The following MEGF11 variants were observed in gnomAD, a reference collection of about 807,000 sequenced individuals.
The protein encoded by MEGF11 is multiple EGF like domains 11.
Under a neutral mutation model 146.6 loss-of-function variants are expected in MEGF11, and 126 were observed. That is an observed-to-expected ratio of 0.86 (90% CI 0.74 to 1.00). The LOEUF (loss-of-function observed/expected upper bound fraction) is 1.00, where lower values mean the gene tolerates loss of function less well. MEGF11 is among the 50% of genes least tolerant of loss of function. The pLI is 0.00. For synonymous variants in MEGF11, 532 were observed against 583.4 expected, an observed-to-expected ratio of 0.91 and a Z score of 1.27; for missense variants, 1,509 against 1,521.2, an observed-to-expected ratio of 0.99 and a Z score of 0.13.
At chr15:66,164,477 C>A (rs190440195) in intron 1 of MEGF11, among the ~76,000 whole-genome samples, 131 of 152,310 alleles carry the variant, frequency 8.6e-4, no homozygotes, top group Non-Finnish European at 1.6e-3. Flanking sequence ...TCATCCCTGA[C>A]TTGCCATGGA....
intron 1 of MEGF11, among the ~76,000 whole-genome samples, chr15:66,250,129 A>C (rs1261572639): frequency 6.6e-6 from 1 of 152,192 alleles, no homozygotes; most frequent in Non-Finnish European, 1.5e-5. Flanking sequence ...TAGCAAGATC[A>C]TAGTTGCCAG....
chr15:65,954,244 C>G (rs1398018712), intron 10 of MEGF11, among the ~76,000 whole-genome samples: 1 of 152,176 alleles, frequency 6.6e-6, no homozygotes, highest in Non-Finnish European at 1.5e-5. Flanking sequence ...TACATACATT[C>G]ACAAACCAAG....
intron 5 of MEGF11, among the ~76,000 whole-genome samples, chr15:66,080,902 G>A (rs1037503511): frequency 3.9e-5 from 6 of 152,322 alleles, no homozygotes; most frequent in Middle Eastern, 3.4e-3. Flanking sequence ...GAAGGGCCGC[G>A]GGCTTGGCAG....
chr15:66,055,878 A>T (rs1412163830), intron 5 of MEGF11, among the ~76,000 whole-genome samples: 2 of 152,184 alleles, frequency 1.3e-5, no homozygotes, highest in Admixed American at 6.5e-5. Flanking sequence ...TGGCCAGGAT[A>T]AAAAAGAAGC....
intron 5 of MEGF11, among the ~76,000 whole-genome samples, chr15:66,033,949 C>T (rs1181404817): frequency 3.9e-5 from 6 of 152,172 alleles, no homozygotes; most frequent in African/African-American, 1.2e-4. Flanking sequence ...CACCACCACA[C>T]CCAGCTAATT....
chr15:66,016,530 G>T (rs1447065410), intron 5 of MEGF11, among the ~76,000 whole-genome samples: 6 of 126,514 alleles, frequency 4.7e-5, no homozygotes, highest in Admixed American at 9.7e-5. Flanking sequence ...TAAACACAGT[G>T]TCTCCTCTTA....
intron 15 of MEGF11, 82 bp downstream of exon 15, chr15:65,922,256 T>C (rs988713080): frequency 6.6e-7 from 1 of 1,523,860 alleles, no homozygotes; most frequent in African/African-American, 1.4e-5. Context: ...ATGATGAAAA[T>C]CCCCAAGCCC....
chr15:66,022,804 C>G (rs904500196), intron 5 of MEGF11, among the ~76,000 whole-genome samples: 1 of 149,574 alleles, frequency 6.7e-6, no homozygotes, highest in African/African-American at 2.5e-5. Context: ...ATTGTGTTTG[C>G]ACCACTGCAC....
chr15:66,176,667 T>A (rs1396061199), intron 1 of MEGF11, among the ~76,000 whole-genome samples: 1 of 152,208 alleles, frequency 6.6e-6, no homozygotes, highest in East Asian at 1.9e-4. Flanking sequence ...GTCTAGAAGC[T>A]AAACTTTGTT....
At chr15:66,161,412 A>T (rs2089948629) in intron 1 of MEGF11, among the ~76,000 whole-genome samples, 1 of 151,882 alleles carries the variant, frequency 6.6e-6, no homozygotes, top group African/African-American at 2.4e-5. Flanking sequence ...TTTAGACAGG[A>T]TCTTGCTCTA....
intron 9 of MEGF11, among the ~76,000 whole-genome samples, chr15:65,962,050 A>T (rs570530798): frequency 6.6e-6 from 1 of 152,342 alleles, no homozygotes. Context: ...ATACTTGCTT[A>T]GACAGAGATA....
chr15:65,922,230 G>T, intron 15 of MEGF11, 108 bp downstream of exon 15: 1 of 1,385,280 alleles, frequency 7.2e-7, no homozygotes, highest in Non-Finnish European at 9.9e-7. Flanking sequence ...GAGGGAAGGA[G>T]CTACCTCCAT....
intron 1 of MEGF11, among the ~76,000 whole-genome samples, chr15:66,137,443 C>T (rs543469772): frequency 2.6e-5 from 4 of 152,164 alleles, no homozygotes; most frequent in East Asian, 1.9e-4. Flanking sequence ...TGTGTGTGCA[C>T]GGGCATACGG....
chr15:66,105,069 G>C (rs1462436613), intron 4 of MEGF11, among the ~76,000 whole-genome samples: 3 of 152,110 alleles, frequency 2.0e-5, no homozygotes, highest in Admixed American at 6.6e-5. Flanking sequence ...GCAACCCACA[G>C]AGAATGTAGC....
intron 1 of MEGF11, among the ~76,000 whole-genome samples, chr15:66,179,609 A>T (rs528919971): frequency 6.6e-6 from 1 of 152,242 alleles, no homozygotes; most frequent in South Asian, 2.1e-4. Flanking sequence ...AGCATGCGAG[A>T]ATGTAGAGAG....
At chr15:66,225,947 A>T (rs2091843026) in intron 1 of MEGF11, among the ~76,000 whole-genome samples, 1 of 152,212 alleles carries the variant, frequency 6.6e-6, no homozygotes, top group Non-Finnish European at 1.5e-5. Context: ...ACACACATAC[A>T]TACAGCAGCC....
chr15:66,113,903 C>A (rs939088777), intron 4 of MEGF11, among the ~76,000 whole-genome samples: 5 of 151,726 alleles, frequency 3.3e-5, no homozygotes, highest in African/African-American at 1.2e-4. Context: ...GAAAAAGAAA[C>A]CGTTGCCTAG....
chr15:66,072,988 T>C (rs1287812214), intron 5 of MEGF11, among the ~76,000 whole-genome samples: 1 of 152,230 alleles, frequency 6.6e-6, no homozygotes, highest in African/African-American at 2.4e-5. Flanking sequence ...TGGCAGATAG[T>C]TGGCACCAGC....
At chr15:66,019,321 CCTT>C (rs975302290) in intron 5 of MEGF11, among the ~76,000 whole-genome samples, 2 of 152,222 alleles carry the variant, frequency 1.3e-5, no homozygotes, top group Admixed American at 6.5e-5. Context: ...GGGAAAAAAA[CCTT>C]CTGTGGCCCC....
Sources: allele counts gnomAD v4.1 joint callset (sites outside exome capture counted in the v4.1 genomes callset), GRCh38; gene constraint gnomAD v4.1.1; transcripts MANE v1.5; gene names NCBI Gene and HGNC (gene_info 2026-07-23, HGNC 2026-07-21).